Variants in DOK6 observed in about 807,000 individuals in gnomAD.
DOK6 encodes docking protein 6.
In DOK6, 22 loss-of-function variants were observed where a neutral mutation model predicts 44.0. The ratio of observed to expected loss-of-function variants is 0.50; its 90% CI spans 0.36 to 0.71. The LOEUF (loss-of-function observed/expected upper bound fraction) is 0.71. Ranked by LOEUF, DOK6 falls within the 30% of genes least tolerant of loss-of-function variation. The pLI is 0.00. For missense variants in DOK6, 340 were observed against 416.4 expected, an observed-to-expected ratio of 0.82 and a Z score of 1.60; for synonymous variants, 166 against 145.5, an observed-to-expected ratio of 1.14 and a Z score of -1.01.
chr18:69,529,869 T>G (rs1981935709), intron 1 of DOK6, among the ~76,000 whole-genome samples: 2 of 152,224 alleles, frequency 1.3e-5, no homozygotes, highest in Non-Finnish European at 2.9e-5. Flanking sequence ...ATCAAATGTA[T>G]AATAATGATA....
chr18:69,508,640 A>T (rs1981261690), intron 1 of DOK6, among the ~76,000 whole-genome samples: 1 of 152,180 alleles, frequency 6.6e-6, no homozygotes, highest in Non-Finnish European at 1.5e-5. Flanking sequence ...CTAGGCAGTG[A>T]TGTAAAGACA....
chr18:69,650,051 G>T (rs933866928), intron 3 of DOK6, among the ~76,000 whole-genome samples: 12 of 151,948 alleles, frequency 7.9e-5, no homozygotes, highest in Admixed American at 3.3e-4. Context: ...TCCAAGGAAA[G>T]GACAAGGCAA....
intron 7 of DOK6, among the ~76,000 whole-genome samples, chr18:69,806,292 T>A (rs1423147548): frequency 6.6e-6 from 1 of 152,026 alleles, no homozygotes; most frequent in Non-Finnish European, 1.5e-5. Context: ...TATTGGAAGA[T>A]AGTTGAACAA....
Position 69,564,582 on chromosome 18 carries a change from A to G in DOK6, c.162A>G (p.Arg54=). The G allele has an allele frequency of 6.2e-7, 1 of 1,613,368 alleles. No homozygotes were observed. ...CAGATGAAAAGGCAGCTTATTTCAG[A>G]AACTTTCATAAGGTAAGTCACAGTC... The part of the protein sequence containing the change: ...KFPDEKAAYF[R]NFHKVTELHN... The change falls in exon 2 of 8, where the codon AGA becomes AGG. Residue 54 remains arginine (R), a synonymous_variant. Coordinates refer to ENST00000382713, the MANE Select transcript of DOK6 (RefSeq NM_152721.6).
At chr18:69,596,602 A>G (rs202155896) in intron 2 of DOK6, among the ~76,000 whole-genome samples, 1 of 45,490 alleles carries the variant, frequency 2.2e-5, no homozygotes, top group East Asian at 1.0e-3. Context: ...TTAAAGGGGG[A>G]AAAAAAACAC....
At chr18:69,643,262 G>A (rs891894654) in intron 3 of DOK6, among the ~76,000 whole-genome samples, 8 of 152,110 alleles carry the variant, frequency 5.3e-5, no homozygotes, top group African/African-American at 1.9e-4. Context: ...CCACTGATCT[G>A]ATTCAGATTT....
At chr18:69,806,948 A>G (rs1461917278) in intron 7 of DOK6, among the ~76,000 whole-genome samples, 1 of 152,020 alleles carries the variant, frequency 6.6e-6, no homozygotes, top group Non-Finnish European at 1.5e-5. Context: ...TGAATATATT[A>G]TGGGCAAACT....
intron 5 of DOK6, among the ~76,000 whole-genome samples, chr18:69,713,612 C>T (rs1242727652): frequency 6.6e-6 from 1 of 152,130 alleles, no homozygotes; most frequent in South Asian, 2.1e-4. Context: ...TTGCACATGA[C>T]AATTATTTTT....
At chr18:69,539,467 C>CT (rs71176979) in intron 1 of DOK6, among the ~76,000 whole-genome samples, 91,258 of 140,288 alleles carry the variant, frequency 0.65, 32,840 homozygotes, top group Non-Finnish European at 0.8. Flanking sequence ...ACAAAAACAG[C>CT]TTTTTTTTTT....
intron 6 of DOK6, among the ~76,000 whole-genome samples, chr18:69,741,727 G>C (rs1978805890): frequency 6.6e-6 from 1 of 152,070 alleles, no homozygotes; most frequent in South Asian, 2.1e-4. Flanking sequence ...GAACTCCTGG[G>C]TTCAAGCAGT....
intron 7 of DOK6, among the ~76,000 whole-genome samples, chr18:69,765,944 G>T (rs539142825): frequency 6.6e-6 from 1 of 151,908 alleles, no homozygotes; most frequent in African/African-American, 2.4e-5. Context: ...GAACAACATG[G>T]GGGTTGAGGT....
chr18:69,762,158 C>T lies in DOK6; in HGVS notation c.856+4285C>T, dbSNP rs578131804. Among the ~76,000 whole-genome samples, 4 of 150,312 alleles carry T rather than the reference C, an allele frequency of 2.7e-5. No homozygotes were observed. In the South Asian group the frequency reaches 8.4e-4, roughly 32 times the overall value. On this transcript the variant is annotated intron_variant, in intron 7 of 7. Coordinates refer to ENST00000382713, the MANE Select transcript of DOK6 (RefSeq NM_152721.6). ...GACTCCATCTCTGCATGCATACATA[C>T]ATACATACATACATACATACATACA...
chr18:69,554,928 C>T (rs1164316404), intron 1 of DOK6, among the ~76,000 whole-genome samples: 1 of 152,108 alleles, frequency 6.6e-6, no homozygotes, highest in Non-Finnish European at 1.5e-5. Flanking sequence ...TTATACAGCT[C>T]CTTTTTATAA....
At chr18:69,697,009 A>C (rs116781816) in intron 4 of DOK6, among the ~76,000 whole-genome samples, 67 of 152,356 alleles carry the variant, frequency 4.4e-4, no homozygotes, top group African/African-American at 1.5e-3. Context: ...TGGGTCAATA[A>C]TCTAAAAGAC....
intron 3 of DOK6, among the ~76,000 whole-genome samples, chr18:69,645,039 C>G (rs774416179): frequency 6.6e-6 from 1 of 152,168 alleles, no homozygotes; most frequent in African/African-American, 2.4e-5. Flanking sequence ...ACCTTTGATT[C>G]TCAAAGATAC....
intron 1 of DOK6, among the ~76,000 whole-genome samples, chr18:69,552,841 A>G (rs188440417): frequency 5.3e-5 from 8 of 152,376 alleles, no homozygotes; most frequent in Admixed American, 5.2e-4. Flanking sequence ...GAATTATGAA[A>G]GTGGAACTCT....
At chr18:69,482,804 A>T (rs1980466819) in intron 1 of DOK6, among the ~76,000 whole-genome samples, 1 of 152,016 alleles carries the variant, frequency 6.6e-6, no homozygotes, top group Non-Finnish European at 1.5e-5. Flanking sequence ...AAGTGATATA[A>T]GAAATATGAG....
intron 1 of DOK6, among the ~76,000 whole-genome samples, chr18:69,441,069 A>G (rs936472509): frequency 6.6e-6 from 1 of 152,154 alleles, no homozygotes; most frequent in African/African-American, 2.4e-5. Context: ...TCTATTCCCT[A>G]TACCACTTAA....
intron 7 of DOK6, among the ~76,000 whole-genome samples, chr18:69,834,430 T>G (rs141778919): frequency 6.6e-6 from 1 of 151,998 alleles, no homozygotes; most frequent in South Asian, 2.1e-4. Flanking sequence ...AAAAATACAG[T>G]TAGATAGAAG....
Sources: allele counts gnomAD v4.1 joint callset (sites outside exome capture counted in the v4.1 genomes callset), GRCh38; gene constraint gnomAD v4.1.1; transcripts MANE v1.5; gene names NCBI Gene and HGNC (gene_info 2026-07-23, HGNC 2026-07-21).